GRB10: variants seen among roughly 807,000 people sequenced by gnomAD.
GRB10 encodes growth factor receptor-bound protein 10.
GRB10 carries 20 observed loss-of-function variants against 80.9 expected under a neutral mutation model. The ratio of observed to expected loss-of-function variants is 0.25; its 90% CI spans 0.17 to 0.36. The LOEUF (loss-of-function observed/expected upper bound fraction) is 0.36, where lower values mean the gene tolerates loss of function less well. Ranked by LOEUF, GRB10 falls within the 10% of genes least tolerant of loss-of-function variation. GRB10 has a pLI of 1.00. For synonymous variants in GRB10, 291 were observed against 291.5 expected (o/e 1.00, Z 0.02); for missense variants, 548 against 747.7 (o/e 0.73, Z 3.12).
intron 5 of GRB10, among the ~76,000 whole-genome samples, chr7:50,687,511 A>C (rs1004402): frequency 0.89 from 135,775 of 152,238 alleles, 60,619 homozygotes; most frequent in East Asian, 0.96. Flanking sequence ...GAGAAACCCC[A>C]GCCACCTCTT....
chr7:50,677,818 G>C (rs142192844), intron 5 of GRB10, among the ~76,000 whole-genome samples: 1 of 152,182 alleles, frequency 6.6e-6, no homozygotes, highest in Non-Finnish European at 1.5e-5. Flanking sequence ...ATGCAGGTTG[G>C]TCTCAATGCC....
At chr7:50,792,179 G>C (rs1481521291) in intron 1 of GRB10, among the ~76,000 whole-genome samples, 1 of 152,110 alleles carries the variant, frequency 6.6e-6, no homozygotes, top group South Asian at 2.1e-4. Flanking sequence ...CAGCAGCAAC[G>C]AGCAAGTTGT....
chr7:50,678,927 T>A (rs2061260489), intron 5 of GRB10, among the ~76,000 whole-genome samples: 1 of 152,246 alleles, frequency 6.6e-6, no homozygotes, highest in Non-Finnish European at 1.5e-5. Flanking sequence ...CAGTGAATAT[T>A]CAGATTGTCT....
rs149778585 is a variant in GRB10 at position 50,702,832 on chromosome 7, T to C, written c.139+989A>G. Among the ~76,000 whole-genome samples the C allele has an allele frequency of 2.4e-3, 370 of 152,364 alleles. 2 individuals are homozygous for C. Among genetic ancestry groups the C allele is most frequent in the African/African-American group, 7.7e-3 (319 of 41,578 alleles). ...AAAAGGTAAGCCTTAAAGAGTTCTT[T>C]CAGTGTAATTTTTTCTGGTTTCCTA... On this transcript the variant is annotated intron_variant, in intron 5 of 18. Coordinates refer to ENST00000401949, the MANE Select transcript of GRB10 (RefSeq NM_001350814.2).
In GRB10 at chr7:50,741,559, A is replaced by C. The variant is rs562206090; in HGVS notation, c.-46-9191T>G. On this transcript the variant is annotated intron_variant, in intron 3 of 18. Transcript: ENST00000401949. Reference sequence around the variant, plus strand: ...AATTAGGAACATGTGTTTAAAAAAAAAAAAAAAAAAAAAAAACGAAGGCAC... The same window carrying C: ...AATTAGGAACATGTGTTTAAAAAAACAAAAAAAAAAAAAAAACGAAGGCAC... Among the ~76,000 whole-genome samples the C allele has an allele frequency of 6.0e-5, 9 of 151,244 alleles. No homozygotes were observed. The East Asian group carries it at 1.3e-3, about 23-fold the overall frequency.
intron 7 of GRB10, among the ~76,000 whole-genome samples, chr7:50,644,218 C>A (rs941284832): frequency 2.6e-5 from 4 of 152,274 alleles, no homozygotes; most frequent in African/African-American, 9.6e-5. Flanking sequence ...ACAAAATATC[C>A]CAGGTGTCCA....
chr7:50,680,979 C>G (rs1358186342), intron 5 of GRB10, among the ~76,000 whole-genome samples: 1 of 152,166 alleles, frequency 6.6e-6, no homozygotes, highest in African/African-American at 2.4e-5. Context: ...CCCTACTCAA[C>G]AATTCTACAG....
chr7:50,676,111 A>C (rs563611744), intron 5 of GRB10, among the ~76,000 whole-genome samples: 12 of 152,286 alleles, frequency 7.9e-5, no homozygotes, highest in African/African-American at 2.4e-4. Flanking sequence ...CTGCTCCCAG[A>C]ATAGCTGCAA....
At chr7:50,620,102 C>T (rs541219027) in intron 8 of GRB10, among the ~76,000 whole-genome samples, 52 of 152,330 alleles carry the variant, frequency 3.4e-4, no homozygotes, top group African/African-American at 1.3e-3. Context: ...CCGCACTGCT[C>T]CCTTTCATGG....
rs1221788366 is a variant in GRB10, at chr7:50,591,060, T to C, written c.*1892A>G. 1 of 152,230 alleles carries C rather than the reference T, an allele frequency of 6.6e-6. No individual in the cohort carries two copies. The highest frequency in any genetic ancestry group is 1.5e-5 in the Non-Finnish European group (1 of 68,040). The allele number at this position is 152,230 out of a possible 1,614,324, so 9.4% of individuals were successfully genotyped here. A position where few individuals can be genotyped will look rare whatever the true frequency, so the allele number is the denominator to read the frequency against. On this transcript the variant is annotated 3_prime_UTR_variant, in exon 19 of 19. Coordinates refer to ENST00000401949, the MANE Select transcript of GRB10 (RefSeq NM_001350814.2). ...GCCAGTGAAGAGGAAGGAATCGTGG[T>C]GTAACTGCAATGTCCGTCCCTACAG...
chr7:50,677,955 G>C (rs903405779), intron 5 of GRB10, among the ~76,000 whole-genome samples: 1 of 152,184 alleles, frequency 6.6e-6, no homozygotes, highest in Non-Finnish European at 1.5e-5. Flanking sequence ...AATAAAAACA[G>C]TGGTACAGTT....
chr7:50,752,813 AC>A (rs375054354), intron 3 of GRB10, among the ~76,000 whole-genome samples: 52 of 152,212 alleles, frequency 3.4e-4, no homozygotes, highest in African/African-American at 1.2e-3. Flanking sequence ...GATGCTTTGA[AC>A]CCCAGGCAAC....
chr7:50,601,121 G>A (rs559467119), intron 17 of GRB10, among the ~76,000 whole-genome samples: 27 of 152,362 alleles, frequency 1.8e-4, no homozygotes, highest in Middle Eastern at 3.4e-3. Flanking sequence ...CGGGAACTGC[G>A]CAGCGCAGTA....
At chr7:50,711,457 C>T (rs984762772) in intron 4 of GRB10, among the ~76,000 whole-genome samples, 10 of 152,176 alleles carry the variant, frequency 6.6e-5, no homozygotes, top group Admixed American at 2.6e-4. Flanking sequence ...CACCCAAGGG[C>T]GCTGAGTCTG....
intron 5 of GRB10, among the ~76,000 whole-genome samples, chr7:50,682,611 A>G (rs1042353051): frequency 6.6e-6 from 1 of 152,250 alleles, no homozygotes. Flanking sequence ...ACCAATATAT[A>G]TACTACTTTG....
chr7:50,790,781 A>G (rs1238119082), intron 1 of GRB10, among the ~76,000 whole-genome samples: 1 of 152,280 alleles, frequency 6.6e-6, no homozygotes, highest in Non-Finnish European at 1.5e-5. Flanking sequence ...AGATAAACCA[A>G]TCAAGAATTT....
In GRB10 at chr7:50,708,622, C is replaced by T. The variant is rs1235290778; in HGVS notation, c.52-4714G>A. Among the ~76,000 whole-genome samples, 10 of 151,016 alleles carry T rather than the reference C, an allele frequency of 6.6e-5. No homozygotes were observed. The South Asian group carries it at 8.4e-4, about 13-fold the overall frequency. The stretch of plus-strand genomic sequence containing the variant: ...TGTCTGTGTGTCTGTTTCCCAGCCT[C>T]GCCCATTGTGGGAAGGACTGGGAAG... On this transcript the variant is annotated intron_variant, in intron 4 of 18. Transcript: ENST00000401949.
chr7:50,710,967 C>A, intron 4 of GRB10: 2 of 1,429,700 alleles, frequency 1.4e-6, no homozygotes, highest in South Asian at 1.1e-5. Context: ...CCTCAGCCTG[C>A]CCTGTGCACA....
intron 7 of GRB10, among the ~76,000 whole-genome samples, chr7:50,633,523 T>A (rs1458315765): frequency 6.6e-6 from 1 of 152,074 alleles, no homozygotes; most frequent in Non-Finnish European, 1.5e-5. Context: ...TGTTGTGACA[T>A]CCACATTAGC....
Sources: allele counts gnomAD v4.1 joint callset (sites outside exome capture counted in the v4.1 genomes callset), GRCh38; gene constraint gnomAD v4.1.1; transcripts MANE v1.5; gene names NCBI Gene and HGNC (gene_info 2026-07-23, HGNC 2026-07-21).